The following GABRB3 variants were observed in gnomAD, a reference collection of about 807,000 sequenced individuals.
The protein encoded by GABRB3 is gamma-aminobutyric acid receptor subunit beta-3.
A neutral mutation model predicts 52.1 loss-of-function variants in GABRB3; 14 were observed. The ratio of observed to expected loss-of-function variants is 0.27; its 90% CI spans 0.18 to 0.42. The LOEUF (loss-of-function observed/expected upper bound fraction) is 0.42, where lower values mean the gene tolerates loss of function less well. Ranked by LOEUF, GABRB3 falls within the 10% of genes least tolerant of loss-of-function variation. The probability of loss-of-function intolerance (pLI) is 1.00; values close to 1 mark genes in which losing one functional copy is unlikely to be tolerated. For missense variants in GABRB3, 307 were observed against 609.1 expected, an observed-to-expected ratio of 0.50 and a Z score of 5.22; for synonymous variants, 260 against 232.3, an observed-to-expected ratio of 1.12 and a Z score of -1.08.
At chr15:26,649,901 A>G (rs1401112594) in intron 3 of GABRB3, among the ~76,000 whole-genome samples, 1 of 152,164 alleles carries the variant, frequency 6.6e-6, no homozygotes, top group African/African-American at 2.4e-5. Context: ...AATCTCCTAC[A>G]AAGGGGATAT....
chr15:26,706,867 C>T (rs112189260), intron 3 of GABRB3, among the ~76,000 whole-genome samples: 2,781 of 152,278 alleles, frequency 0.018, 99 homozygotes, highest in South Asian at 0.12. Context: ...GCCTCCCAGC[C>T]ATCTTCCTTT....
chr15:26,624,563 C>T (rs1462715894), intron 3 of GABRB3: 5 of 985,464 alleles, frequency 5.1e-6, no homozygotes, highest in Non-Finnish European at 6.0e-6. Context: ...CTCCGCACCA[C>T]CAGCAGCGCC....
At chr15:26,561,914 C>A (rs545269686) in intron 7 of GABRB3, among the ~76,000 whole-genome samples, 76 of 152,186 alleles carry the variant, frequency 5.0e-4, no homozygotes, top group Non-Finnish European at 7.1e-4. Flanking sequence ...CTTATAGAAT[C>A]CCACCATACT....
intron 3 of GABRB3, among the ~76,000 whole-genome samples, chr15:26,669,273 T>C (rs1439097942): frequency 2.0e-5 from 3 of 152,180 alleles, no homozygotes; most frequent in East Asian, 3.9e-4. Context: ...CTTAGGGAAG[T>C]ATCTCCAAAA....
intron 4 of GABRB3, among the ~76,000 whole-genome samples, chr15:26,618,973 A>G (rs2140531792): frequency 6.9e-6 from 1 of 145,260 alleles, no homozygotes; most frequent in East Asian, 2.0e-4. Context: ...ATGAGATACC[A>G]TCTCACACCA....
intron 8 of GABRB3, among the ~76,000 whole-genome samples, chr15:26,558,552 T>C (rs1889843794): frequency 1.3e-5 from 2 of 152,180 alleles, no homozygotes; most frequent in Non-Finnish European, 2.9e-5. Flanking sequence ...TCCCCAGTAC[T>C]GGAGGTGGGG....
chr15:26,692,151 C>G (rs762929544), intron 3 of GABRB3, among the ~76,000 whole-genome samples: 1 of 152,166 alleles, frequency 6.6e-6, no homozygotes, highest in Non-Finnish European at 1.5e-5. Flanking sequence ...TCAATATTGA[C>G]GGGCTTCAAG....
At chr15:26,723,040 T>C (rs1218480933) in intron 3 of GABRB3, among the ~76,000 whole-genome samples, 1 of 152,188 alleles carries the variant, frequency 6.6e-6, no homozygotes, top group Non-Finnish European at 1.5e-5. Flanking sequence ...AAAATGTCAC[T>C]CAAAAGGGCC....
At chr15:26,560,878 C>T in intron 8 of GABRB3, 54 bp downstream of exon 8, 1 of 1,610,916 alleles carries the variant, frequency 6.2e-7, no homozygotes, top group Non-Finnish European at 8.5e-7. Flanking sequence ...CAAGTAAATG[C>T]AGTAGCTGCT....
intron 3 of GABRB3, chr15:26,624,380 G>A (rs1206190233): frequency 2.5e-5 from 25 of 985,318 alleles, no homozygotes; most frequent in Admixed American, 6.1e-5. Flanking sequence ...TCCTAACCCC[G>A]CATGCTTACG....
At chr15:26,606,181 G>T (rs1482446884) in intron 4 of GABRB3, among the ~76,000 whole-genome samples, 1 of 151,204 alleles carries the variant, frequency 6.6e-6, no homozygotes, top group Non-Finnish European at 1.5e-5. Context: ...AACCATATTA[G>T]GTGGGGATGG....
At chr15:26,657,978 T>C (rs1887425370) in intron 3 of GABRB3, among the ~76,000 whole-genome samples, 1 of 152,202 alleles carries the variant, frequency 6.6e-6, no homozygotes, top group Non-Finnish European at 1.5e-5. Flanking sequence ...TTAGAATTTA[T>C]GGCTAGGGAG....
rs1890862274 is a variant in GABRB3 at position 26,583,510 on chromosome 15, C to G, written c.462-96G>C. On this transcript the variant is annotated intron_variant, in intron 4 of 8. Transcript: ENST00000311550. ...TAAACGAGTAAGCCCCTGTGGGAAC[C>G]CTGCCCAAAGTACGCCTGGCTAAAC... 3.1e-6 allele frequency: 3 copies of G among 958,654 alleles called. No homozygotes were observed. In the South Asian group the frequency reaches 4.0e-5, roughly 13 times the overall value. 59.4% of individuals were successfully genotyped at this position (958,654 alleles called of 1,614,324 possible). A position where few individuals can be genotyped will look rare whatever the true frequency, so the allele number is the denominator to read the frequency against.
intron 3 of GABRB3, among the ~76,000 whole-genome samples, chr15:26,759,875 T>C (rs1890765664): frequency 6.6e-6 from 1 of 152,200 alleles, no homozygotes; most frequent in Admixed American, 6.5e-5. Context: ...TCTTAGGTAA[T>C]AAGGGAAATG....
At chr15:26,601,619 T>C (rs1185301534) in intron 4 of GABRB3, among the ~76,000 whole-genome samples, 3 of 152,122 alleles carry the variant, frequency 2.0e-5, no homozygotes, top group Admixed American at 2.0e-4. Context: ...TAACAAAAAG[T>C]TACCAAGTGG....
intron 4 of GABRB3, among the ~76,000 whole-genome samples, chr15:26,594,090 C>T (rs1340004660): frequency 6.7e-6 from 1 of 150,078 alleles, no homozygotes; most frequent in Non-Finnish European, 1.5e-5. Flanking sequence ...CTATATCACA[C>T]ACATTAGGAT....
At chr15:26,597,787 C>T (rs1052848708) in intron 4 of GABRB3, among the ~76,000 whole-genome samples, 1 of 152,178 alleles carries the variant, frequency 6.6e-6, no homozygotes. Context: ...TATGAAGCCA[C>T]CAGGAAACAG....
intron 3 of GABRB3, among the ~76,000 whole-genome samples, chr15:26,705,072 G>C (rs1441548676): frequency 6.6e-6 from 1 of 152,178 alleles, no homozygotes; most frequent in East Asian, 1.9e-4. Context: ...ATCAAGTCCT[G>C]CCCTAGTCCA....
rs1339285719 is a variant in GABRB3 at position 26,570,949 on chromosome 15, A to AT, written c.683-3217dup. On this transcript the variant is annotated intron_variant, in intron 6 of 8. Coordinates refer to ENST00000311550, the MANE Select transcript of GABRB3 (RefSeq NM_000814.6). ...TGCCTAGGTAAATGTCAAAACCATCATAGGTTATGAATAAATACTTCTGAA... is the reference window on the plus strand; with the variant it reads ...TGCCTAGGTAAATGTCAAAACCATCATTAGGTTATGAATAAATACTTCTGAA... Among the ~76,000 whole-genome samples, 4 of 152,288 alleles carry AT rather than the reference A, an allele frequency of 2.6e-5. No individual in the cohort carries two copies. The South Asian group carries it at 8.3e-4, about 32-fold the overall frequency.
Sources: gnomAD v4.1 joint callset for allele counts (sites outside exome capture counted in the v4.1 genomes callset) on GRCh38, gnomAD v4.1.1 for gene constraint, MANE v1.5 for transcripts, NCBI Gene and HGNC (gene_info 2026-07-23, HGNC 2026-07-21) for gene names.